The following SUCLG2 variants were observed in gnomAD, a reference collection of about 807,000 sequenced individuals.
SUCLG2 encodes the protein succinate-CoA ligase GDP-forming subunit beta, also known as succinate--CoA ligase [GDP-forming] subunit beta, mitochondrial.
In SUCLG2, 42 loss-of-function variants were observed where a neutral mutation model predicts 47.9. That is an observed-to-expected ratio of 0.88 (90% confidence interval 0.69 to 1.14). SUCLG2 has a LOEUF of 1.14. Among genes scored for constraint, SUCLG2 ranks in the 50% most tolerant of loss-of-function variants. SUCLG2 has a pLI of 0.00. For synonymous variants in SUCLG2, 195 were observed against 197.3 expected, an observed-to-expected ratio of 0.99 and a Z score of 0.10; for missense variants, 571 against 525.9, an observed-to-expected ratio of 1.09 and a Z score of -0.84.
chr3:67,638,274 G>C (rs1701041214), intron 1 of SUCLG2, among the ~76,000 whole-genome samples: 1 of 152,196 alleles, frequency 6.6e-6, no homozygotes, highest in Non-Finnish European at 1.5e-5. Context: ...GAGTGTCAAA[G>C]AGAAAATGCC....
At chr3:67,419,054 AG>A (rs1273128914) in intron 9 of SUCLG2, among the ~76,000 whole-genome samples, 1 of 152,046 alleles carries the variant, frequency 6.6e-6, no homozygotes, top group African/African-American at 2.4e-5. Context: ...GAGTACTTCC[AG>A]GTTGCTTGCT....
chr3:67,636,658 C>T (rs1409367932), intron 1 of SUCLG2, among the ~76,000 whole-genome samples: 1 of 151,272 alleles, frequency 6.6e-6, no homozygotes, highest in Non-Finnish European at 1.5e-5. Flanking sequence ...AGCCACCTGG[C>T]TAATTTTTTT....
rs190509439 is a variant in SUCLG2, at chr3:67,367,803, C to T, written c.1184-7035G>A. 1.0e-3 allele frequency among the ~76,000 whole-genome samples: 155 copies of T among 152,226 alleles called. 1 individual carries two copies. Among genetic ancestry groups the T allele is most frequent in the African/African-American group, 3.6e-3 (150 of 41,542 alleles). Reference sequence around the variant, plus strand: ...CAAAGTCACCCATTTTTCTTCCACACTTATATTTTAGTTTATATTGTTATG... The same window carrying T: ...CAAAGTCACCCATTTTTCTTCCACATTTATATTTTAGTTTATATTGTTATG... On this transcript the variant is annotated intron_variant, in intron 10 of 10. Transcript: ENST00000493112.
intron 9 of SUCLG2, among the ~76,000 whole-genome samples, chr3:67,441,231 T>TG (rs1703755531): frequency 6.6e-6 from 1 of 151,058 alleles, no homozygotes; most frequent in South Asian, 2.1e-4. Flanking sequence ...TGTCAGGGGC[T>TG]GGGGGGCTAG....
At chr3:67,431,866 C>G (rs1703493476) in intron 9 of SUCLG2, among the ~76,000 whole-genome samples, 1 of 152,022 alleles carries the variant, frequency 6.6e-6, no homozygotes, top group Admixed American at 6.6e-5. Flanking sequence ...GCACATGTAC[C>G]CTAGAACTTA....
At chr3:67,394,412 A>T (rs1702472965) in intron 10 of SUCLG2, among the ~76,000 whole-genome samples, 1 of 147,202 alleles carries the variant, frequency 6.8e-6, no homozygotes, top group South Asian at 2.2e-4. Context: ...AACTGGAAGA[A>T]AGGGTATCAG....
chr3:67,501,735 T>C (rs555936360), intron 7 of SUCLG2, among the ~76,000 whole-genome samples: 1 of 152,090 alleles, frequency 6.6e-6, no homozygotes, highest in Non-Finnish European at 1.5e-5. Flanking sequence ...TAAAAATTTC[T>C]CAACTCCAGG....
chr3:67,518,199 T>C (rs1418344276), intron 6 of SUCLG2, 48 bp downstream of exon 6: 2 of 1,485,588 alleles, frequency 1.3e-6, no homozygotes, highest in East Asian at 2.3e-5. Flanking sequence ...AGTTCCCAAA[T>C]GTTTTCTGAA....
In SUCLG2 at chr3:67,651,982, C is replaced by T. The variant is rs528215409; in HGVS notation, c.84+2521G>A. Among the ~76,000 whole-genome samples, 22 of 152,218 alleles carry T rather than the reference C, an allele frequency of 1.4e-4. No homozygotes were observed. The South Asian group carries it at 3.5e-3, about 24-fold the overall frequency. On this transcript the variant is annotated intron_variant, in intron 1 of 10. Coordinates refer to ENST00000307227, the MANE Select transcript of SUCLG2 (RefSeq NM_003848.4). ...CCACCTCCATTAAAATAAAGTATCA[C>T]GTGGCCAAAGACTCTGCCTGCCTCA...
chr3:67,386,816 A>G (rs1366785057), intron 10 of SUCLG2, among the ~76,000 whole-genome samples: 1 of 152,160 alleles, frequency 6.6e-6, no homozygotes, highest in Non-Finnish European at 1.5e-5. Flanking sequence ...TCATTCTTGG[A>G]ACAGCTCAGT....
At chr3:67,400,491 C>T (rs1288996168) in intron 10 of SUCLG2, among the ~76,000 whole-genome samples, 4 of 152,074 alleles carry the variant, frequency 2.6e-5, no homozygotes, top group African/African-American at 9.7e-5. Context: ...AATAAAAGGG[C>T]TTTTGCTCTG....
chr3:67,379,860 T>G (rs932524664), intron 10 of SUCLG2, among the ~76,000 whole-genome samples: 1 of 152,218 alleles, frequency 6.6e-6, no homozygotes, highest in African/African-American at 2.4e-5. Flanking sequence ...CTGGAGCACC[T>G]TGTATTTCTA....
intron 1 of SUCLG2, among the ~76,000 whole-genome samples, chr3:67,629,574 G>T (rs1273774860): frequency 6.6e-6 from 1 of 152,100 alleles, no homozygotes; most frequent in Non-Finnish European, 1.5e-5. Flanking sequence ...TTTAATCAAG[G>T]TTTCATTACT....
At chr3:67,577,247 G>A (rs544993101) in intron 2 of SUCLG2, among the ~76,000 whole-genome samples, 3 of 152,284 alleles carry the variant, frequency 2.0e-5, no homozygotes, top group African/African-American at 7.2e-5. Context: ...GTTGGAGGTT[G>A]CAGTGAGCTG....
intron 1 of SUCLG2, among the ~76,000 whole-genome samples, chr3:67,641,551 A>G (rs1402026695): frequency 2.0e-5 from 3 of 152,230 alleles, no homozygotes; most frequent in Non-Finnish European, 4.4e-5. Context: ...CGTTGTCTCA[A>G]TGCAGGGTGG....
At chr3:67,378,698 T>C (rs1302179030) in intron 10 of SUCLG2, among the ~76,000 whole-genome samples, 6 of 152,254 alleles carry the variant, frequency 3.9e-5, no homozygotes, top group Non-Finnish European at 8.8e-5. Context: ...TTTGTTAAGC[T>C]GCTACATTTT....
In SUCLG2 at chr3:67,466,010, C is replaced by A. The variant is rs1350280583; in HGVS notation, c.1062+29788G>T. 3.3e-5 allele frequency among the ~76,000 whole-genome samples: 5 copies of A among 152,122 alleles called. No homozygotes were observed. The East Asian group carries it at 9.6e-4, about 29-fold the overall frequency. ...CATTCATTTCTCACCAAGCAGTACT[C>A]TTTTAATGACACACACAGCCCTTAC... On this transcript the variant is annotated intron_variant, in intron 9 of 10. Coordinates refer to ENST00000307227, the MANE Select transcript of SUCLG2 (RefSeq NM_003848.4).
chr3:67,496,874 T>C (rs925167595), intron 8 of SUCLG2, among the ~76,000 whole-genome samples: 1 of 152,054 alleles, frequency 6.6e-6, no homozygotes, highest in African/African-American at 2.4e-5. Context: ...TCCAATTCCC[T>C]AGAAAAGCCT....
At chr3:67,597,781 T>C (rs1708326288) in intron 2 of SUCLG2, among the ~76,000 whole-genome samples, 1 of 151,168 alleles carries the variant, frequency 6.6e-6, no homozygotes, top group Admixed American at 6.6e-5. Flanking sequence ...CTACGAAAAA[T>C]ACAAAAATTA....
Sources: gnomAD v4.1 joint callset for allele counts (sites outside exome capture counted in the v4.1 genomes callset) on GRCh38, gnomAD v4.1.1 for gene constraint, MANE v1.5 for transcripts, NCBI Gene and HGNC (gene_info 2026-07-23, HGNC 2026-07-21) for gene names.